The following KMT2C variants were observed in gnomAD, a reference collection of about 807,000 sequenced individuals.
KMT2C encodes histone-lysine N-methyltransferase 2C.
In KMT2C, 88 loss-of-function variants were observed where a neutral mutation model predicts 507.9. The observed-to-expected ratio is 0.17, with a 90% CI of 0.15 to 0.21. KMT2C has a LOEUF of 0.21. Ranked by LOEUF, KMT2C falls within the 10% of genes least tolerant of loss-of-function variation. KMT2C has a pLI of 1.00. For synonymous variants in KMT2C, 2,049 were observed against 2,080.8 expected (o/e 0.98, Z 0.42); for missense variants, 4,954 against 5,957.8 (o/e 0.83, Z 5.55).
In KMT2C at chr7:152,230,847, C is replaced by T. The variant is rs552810016; in HGVS notation, c.2770-526G>A. On this transcript the variant is annotated intron_variant, in intron 16 of 58. Coordinates refer to ENST00000262189, the MANE Select transcript of KMT2C (RefSeq NM_170606.3). Reference sequence around the variant, plus strand: ...CTTTATTTTGTTTTGAGAGGAGTTTCACTCTTGTTGCCCAGGCTGGAGTGT... The same window carrying T: ...CTTTATTTTGTTTTGAGAGGAGTTTTACTCTTGTTGCCCAGGCTGGAGTGT... Among the ~76,000 whole-genome samples the T allele has an allele frequency of 3.3e-5, 5 of 152,248 alleles. No homozygotes were observed. In the South Asian group the frequency reaches 1.0e-3, roughly 32 times the overall value.
intron 6 of KMT2C, among the ~76,000 whole-genome samples, chr7:152,290,220 A>ATGTGTGTGTGTG (rs71198772): frequency 1.0e-4 from 9 of 86,292 alleles, no homozygotes; most frequent in African/African-American, 2.4e-4. Flanking sequence ...TTATATATAT[A>ATGTGTGTGTGTG]TGTGTGTGTG....
chr7:152,169,393 A>G (rs1376320813), intron 40 of KMT2C, 144 bp from the exon 41 acceptor site: 1 of 612,484 alleles, frequency 1.6e-6, no homozygotes, highest in Non-Finnish European at 2.9e-6. Context: ...TTTTTTATAA[A>G]AAGTAGAGTG....
intron 43 of KMT2C, among the ~76,000 whole-genome samples, chr7:152,160,682 T>C (rs2092397800): frequency 6.7e-6 from 1 of 148,438 alleles, no homozygotes; most frequent in Non-Finnish European, 1.5e-5. Flanking sequence ...TTTATATATA[T>C]TTAAATCACT....
chr7:152,251,004 G>GT, intron 11 of KMT2C, 38 bp from the exon 12 acceptor site: 2 of 1,188,910 alleles, frequency 1.7e-6, no homozygotes, highest in Non-Finnish European at 1.2e-6. Context: ...CTCAGAATGA[G>GT]TTTTTTTCTT....
At chr7:152,367,267 A>C in intron 1 of KMT2C, 1 of 1,319,388 alleles carries the variant, frequency 7.6e-7, no homozygotes, top group Non-Finnish European at 1.1e-6. Flanking sequence ...AGGAACCAAC[A>C]TTCAAAGCAG....
At chr7:152,335,702 TTTA>T (rs1371231726) in intron 2 of KMT2C, among the ~76,000 whole-genome samples, 2 of 152,184 alleles carry the variant, frequency 1.3e-5, no homozygotes, top group Non-Finnish European at 2.9e-5. Context: ...ACATAGCACT[TTTA>T]TTATTTTTAG....
In KMT2C at chr7:152,358,640, T is replaced by C. The variant is rs2129231478; in HGVS notation, c.197A>G (p.Glu66Gly). The stretch of plus-strand genomic sequence containing the variant: ...TGTCTCCAGCCCATCCATGCTGTCC[T>C]CATCTTCCACTGCAGTTTTCCCCCT... ...RSRGKTAVED[E>G]DSMDGLETTE... Residue 66 changes from glutamate (E) to glycine (G), a missense_variant, in exon 2 of 59, where the codon GAG becomes GGG. Transcript: ENST00000262189. The C allele has an allele frequency of 1.2e-6, 2 of 1,610,250 alleles. No individual in the cohort carries two copies. The highest frequency in any genetic ancestry group is 1.7e-6 in the Non-Finnish European group (2 of 1,177,748).
At chr7:152,169,039 G>T (rs1197733326) in intron 41 of KMT2C, 147 bp downstream of exon 41, 18 of 519,918 alleles carry the variant, frequency 3.5e-5, no homozygotes, top group Non-Finnish European at 3.5e-6. Context: ...AAGAAGAGTT[G>T]CCTAATAGGG....
chr7:152,303,936 T>C (rs1350178089), intron 6 of KMT2C, among the ~76,000 whole-genome samples: 7 of 151,970 alleles, frequency 4.6e-5, no homozygotes, highest in Non-Finnish European at 1.0e-4. Context: ...TGCAGTAAAC[T>C]GAGATTGCGC....
At chr7:152,314,646 A>G (rs2096706638) in intron 4 of KMT2C, among the ~76,000 whole-genome samples, 1 of 152,162 alleles carries the variant, frequency 6.6e-6, no homozygotes, top group Non-Finnish European at 1.5e-5. Context: ...ACTTATATAT[A>G]AATTAAATAA....
chr7:152,367,147 G>A, intron 1 of KMT2C: 1 of 1,297,102 alleles, frequency 7.7e-7, no homozygotes, highest in South Asian at 1.3e-5. Context: ...TAGCACTGGA[G>A]AAACGAGGAA....
chr7:152,330,184 A>AGG (rs2096869866), intron 3 of KMT2C, among the ~76,000 whole-genome samples: 8 of 136,688 alleles, frequency 5.9e-5, no homozygotes, highest in African/African-American at 1.9e-4. Flanking sequence ...GGGGGGAGAA[A>AGG]AAGAAAGAAA....
intron 1 of KMT2C, among the ~76,000 whole-genome samples, chr7:152,376,927 G>C (rs112478777): frequency 3.9e-5 from 6 of 152,364 alleles, no homozygotes; most frequent in South Asian, 2.1e-4. Context: ...GGCCACACCT[G>C]TTATCCCAGC....
chr7:152,182,806 T>C (rs1479096525), intron 35 of KMT2C, among the ~76,000 whole-genome samples, 168 bp downstream of exon 35: 1 of 152,202 alleles, frequency 6.6e-6, no homozygotes, highest in Admixed American at 6.5e-5. Flanking sequence ...AATATTTCAA[T>C]AAATTTCTCA....
intron 39 of KMT2C, 88 bp from the exon 40 acceptor site, chr7:152,171,430 T>G (rs2092959453): frequency 2.4e-6 from 2 of 820,184 alleles, no homozygotes; most frequent in Admixed American, 3.1e-5. Flanking sequence ...GCTTAACAGT[T>G]TTCTCTTCCA....
chr7:152,268,136 G>T (rs2095889940), intron 7 of KMT2C, among the ~76,000 whole-genome samples: 1 of 152,102 alleles, frequency 6.6e-6, no homozygotes, highest in South Asian at 2.1e-4. Context: ...AAAATTAGCA[G>T]GGTGTGGTGG....
rs574162914 is a variant in KMT2C, at chr7:152,210,723, GA to G, written c.3713-3296del. Among the ~76,000 whole-genome samples the G allele has an allele frequency of 1.5e-3, 225 of 150,464 alleles. 1 individual carries two copies. Among genetic ancestry groups the G allele is most frequent in the Non-Finnish European group, 2.9e-3 (194 of 67,536 alleles). On this transcript the variant is annotated intron_variant, in intron 23 of 58. Coordinates refer to ENST00000262189, the MANE Select transcript of KMT2C (RefSeq NM_170606.3). ...TTGGAATTAACAGACTAAGTAGGAA[GA>G]AAAAAAATCTTAAAAAAGATTAAAA...
intron 14 of KMT2C, among the ~76,000 whole-genome samples, chr7:152,245,014 T>C (rs1161306135): frequency 6.6e-6 from 1 of 152,244 alleles, no homozygotes; most frequent in African/African-American, 2.4e-5. Flanking sequence ...AAATTCCATT[T>C]TCTGTGTCCT....
At chr7:152,178,161 T>G in intron 37 of KMT2C, 151 bp from the exon 38 acceptor site, 1 of 808,852 alleles carries the variant, frequency 1.2e-6, no homozygotes. Context: ...CTATCACCAT[T>G]AAAAAGTATT....
Sources: gnomAD v4.1 joint callset for allele counts (sites outside exome capture counted in the v4.1 genomes callset) on GRCh38, gnomAD v4.1.1 for gene constraint, MANE v1.5 for transcripts, NCBI Gene and HGNC (gene_info 2026-07-23, HGNC 2026-07-21) for gene names.